Variants in GABBR2 observed in about 807,000 individuals in gnomAD.
GABBR2 encodes the protein G-protein coupled receptor 51.
GABBR2 carries 23 observed loss-of-function variants against 105.6 expected under a neutral mutation model. The observed-to-expected ratio is 0.22, with a 90% CI of 0.16 to 0.31. GABBR2 has a LOEUF of 0.31. Ranked by LOEUF, GABBR2 falls within the 10% of genes least tolerant of loss-of-function variation. The pLI, the probability that GABBR2 is intolerant of heterozygous loss-of-function variation, is 1.00. For synonymous variants in GABBR2, 478 were observed against 499.7 expected (o/e 0.96, Z 0.58); for missense variants, 734 against 1,245.5 (o/e 0.59, Z 6.18).
At chr9:98,645,392 C>T (rs147505445) in intron 1 of GABBR2, among the ~76,000 whole-genome samples, 175 of 152,284 alleles carry the variant, frequency 1.1e-3, no homozygotes, top group African/African-American at 4.0e-3. Context: ...GAACTAGAAG[C>T]TGGGCTGATG....
intron 1 of GABBR2, among the ~76,000 whole-genome samples, chr9:98,680,184 G>A (rs1830525247): frequency 6.6e-6 from 1 of 152,024 alleles, no homozygotes; most frequent in South Asian, 2.1e-4. Flanking sequence ...AAGAAAAGAT[G>A]TACCTTACTT....
At chr9:98,563,418 A>T (rs976678072) in intron 2 of GABBR2, among the ~76,000 whole-genome samples, 1 of 152,182 alleles carries the variant, frequency 6.6e-6, no homozygotes, top group African/African-American at 2.4e-5. Flanking sequence ...CCGGTTACGG[A>T]CGCATCCACC....
At chr9:98,653,403 T>A (rs927079228) in intron 1 of GABBR2, among the ~76,000 whole-genome samples, 2 of 152,220 alleles carry the variant, frequency 1.3e-5, no homozygotes, top group Non-Finnish European at 1.5e-5. Flanking sequence ...AAAGAAACTT[T>A]TAAAATAAAT....
At chr9:98,463,609 C>CTCTCGCTCTCGCTCTCCG (rs1442211658) in intron 6 of GABBR2, among the ~76,000 whole-genome samples, 12 of 49,246 alleles carry the variant, frequency 2.4e-4, no homozygotes, top group Non-Finnish European at 3.3e-4. Flanking sequence ...CTCCGTCTCG[C>CTCTCGCTCTCGCTCTCCG]TCTCGCTCTC....
At chr9:98,325,369 G>A (rs1830904852) in intron 13 of GABBR2, among the ~76,000 whole-genome samples, 1 of 132,980 alleles carries the variant, frequency 7.5e-6, no homozygotes, top group South Asian at 2.3e-4. Context: ...TTGGCTCACT[G>A]CAACCTCTAC....
intron 7 of GABBR2, among the ~76,000 whole-genome samples, chr9:98,414,849 T>C (rs886220800): frequency 2.0e-5 from 3 of 152,116 alleles, no homozygotes; most frequent in Non-Finnish European, 4.4e-5. Context: ...GTCAACCAGA[T>C]TGATAGGATC....
At chr9:98,534,620 C>T (rs1332814282) in intron 3 of GABBR2, among the ~76,000 whole-genome samples, 1 of 152,256 alleles carries the variant, frequency 6.6e-6, no homozygotes, top group Non-Finnish European at 1.5e-5. Flanking sequence ...AAGAAGCCTA[C>T]GAAAAGATGC....
chr9:98,334,415 C>T (rs1422672574), intron 13 of GABBR2, among the ~76,000 whole-genome samples: 1 of 152,338 alleles, frequency 6.6e-6, no homozygotes, highest in East Asian at 1.9e-4. Context: ...TTCCAGTTCT[C>T]ATGCGTAGCA....
intron 13 of GABBR2, among the ~76,000 whole-genome samples, chr9:98,351,179 A>AG (rs1186001465): frequency 6.6e-6 from 1 of 151,870 alleles, no homozygotes; most frequent in Admixed American, 6.6e-5. Flanking sequence ...TTTTTAAAAA[A>AG]AATCCATTCA....
chr9:98,552,623 C>A (rs913248515), intron 2 of GABBR2, among the ~76,000 whole-genome samples: 1 of 152,202 alleles, frequency 6.6e-6, no homozygotes, highest in East Asian at 1.9e-4. Flanking sequence ...GGCTGCAAAG[C>A]ATTTCCCAAG....
chr9:98,485,652 C>T (rs967352970), intron 4 of GABBR2, among the ~76,000 whole-genome samples: 2 of 152,202 alleles, frequency 1.3e-5, no homozygotes, highest in Non-Finnish European at 2.9e-5. Flanking sequence ...CCTTTCTGAG[C>T]TGTTGTGCTA....
intron 13 of GABBR2, among the ~76,000 whole-genome samples, chr9:98,326,568 G>A (rs1830928457): frequency 1.3e-5 from 2 of 152,190 alleles, no homozygotes; most frequent in Admixed American, 1.3e-4. Context: ...GTGGGCTGAA[G>A]CACTGAAGAC....
chr9:98,326,353 G>C (rs1227605407), intron 13 of GABBR2, among the ~76,000 whole-genome samples: 1 of 152,184 alleles, frequency 6.6e-6, no homozygotes, highest in Non-Finnish European at 1.5e-5. Flanking sequence ...GGAAGTATTA[G>C]ACCTAATTTA....
intron 13 of GABBR2, among the ~76,000 whole-genome samples, chr9:98,339,546 T>C (rs1831173432): frequency 6.6e-6 from 1 of 152,194 alleles, no homozygotes; most frequent in Non-Finnish European, 1.5e-5. Flanking sequence ...GACGGTGGTG[T>C]GGACCCCAGT....
chr9:98,662,882 G>A (rs1830282957), intron 1 of GABBR2, among the ~76,000 whole-genome samples: 2 of 152,186 alleles, frequency 1.3e-5, no homozygotes, highest in African/African-American at 4.8e-5. Context: ...GCCAGACATG[G>A]AAGCCCAGAC....
chr9:98,349,910 T>C (rs150352053), intron 13 of GABBR2, among the ~76,000 whole-genome samples: 64 of 152,324 alleles, frequency 4.2e-4, no homozygotes, highest in African/African-American at 1.4e-3. Flanking sequence ...ACTTCTTGTA[T>C]GGATTCAATT....
At chr9:98,572,706 G>T (rs1022012672) in intron 2 of GABBR2, among the ~76,000 whole-genome samples, 2 of 152,078 alleles carry the variant, frequency 1.3e-5, no homozygotes, top group African/African-American at 4.8e-5. Context: ...AGGCTCCCAG[G>T]CTACTCCCAG....
At chr9:98,367,729 T>C (rs1831707496) in intron 12 of GABBR2, among the ~76,000 whole-genome samples, 1 of 152,192 alleles carries the variant, frequency 6.6e-6, no homozygotes, top group Admixed American at 6.5e-5. Flanking sequence ...TTTGCGGTGC[T>C]GTGGTTAAGT....
intron 13 of GABBR2, among the ~76,000 whole-genome samples, chr9:98,325,578 C>A (rs554383917): frequency 7.9e-5 from 12 of 152,202 alleles, no homozygotes; most frequent in African/African-American, 2.6e-4. Flanking sequence ...AGGCATGAGC[C>A]ACTGCACCTG....
Sources: allele counts gnomAD v4.1 joint callset (sites outside exome capture counted in the v4.1 genomes callset), GRCh38; gene constraint gnomAD v4.1.1; transcripts MANE v1.5; gene names NCBI Gene and HGNC (gene_info 2026-07-23, HGNC 2026-07-21).